The following ATG7 variants were observed in gnomAD, a reference collection of about 807,000 sequenced individuals.
ATG7 encodes the protein autophagy related 7.
ATG7 carries 70 observed loss-of-function variants against 82.4 expected under a neutral mutation model. The observed-to-expected ratio is 0.85, with a 90% CI of 0.70 to 1.04. The LOEUF is 1.04. ATG7 is among the 50% of genes least tolerant of loss of function. ATG7 has a pLI of 0.00. For missense variants in ATG7, 792 were observed against 864.3 expected (o/e 0.92, Z 1.05); for synonymous variants, 287 against 313.0 (o/e 0.92, Z 0.88).
intron 20 of ATG7, among the ~76,000 whole-genome samples, chr3:11,518,853 A>G (rs1383003395): frequency 6.6e-6 from 1 of 152,236 alleles, no homozygotes; most frequent in Non-Finnish European, 1.5e-5. Flanking sequence ...TTCAACTGGT[A>G]AGATAAACAA....
the ATG7 span, among the ~76,000 whole-genome samples, chr3:11,569,816 G>A: frequency 6.6e-6 from 1 of 152,202 alleles, no homozygotes; most frequent in African/African-American, 2.4e-5. Flanking sequence ...AGGAGGTGGA[G>A]GCTACAGTGA....
intron 20 of ATG7, among the ~76,000 whole-genome samples, chr3:11,473,163 T>C (rs2087736079): frequency 6.6e-6 from 1 of 152,198 alleles, no homozygotes; most frequent in South Asian, 2.1e-4. Context: ...AATAAAACAT[T>C]ATAGCACTTT....
intron 18 of ATG7, among the ~76,000 whole-genome samples, chr3:11,373,213 A>G (rs1200011271): frequency 6.6e-6 from 1 of 152,040 alleles, no homozygotes; most frequent in Non-Finnish European, 1.5e-5. Context: ...AAGAGGCTTT[A>G]GTTTCCTGTG....
intron 20 of ATG7, among the ~76,000 whole-genome samples, chr3:11,536,157 C>T (rs1455933082): frequency 3.3e-5 from 5 of 152,316 alleles, no homozygotes; most frequent in Non-Finnish European, 7.3e-5. Context: ...GAAAGGACTG[C>T]CCCCGGGCCA....
intron 19 of ATG7, among the ~76,000 whole-genome samples, chr3:11,385,036 G>A (rs1038034592): frequency 2.6e-5 from 4 of 152,176 alleles, no homozygotes; most frequent in African/African-American, 9.6e-5. Context: ...TTGTTTGTTT[G>A]TTTGTTTGTT....
At chr3:11,360,964 G>A (rs192455397) in intron 16 of ATG7, among the ~76,000 whole-genome samples, 180 bp downstream of exon 16, 1 of 152,288 alleles carries the variant, frequency 6.6e-6, no homozygotes, top group African/African-American at 2.4e-5. Context: ...GTCATCAACT[G>A]TACACCTGTT....
At chr3:11,538,220 C>T (rs1264870001) in intron 20 of ATG7, among the ~76,000 whole-genome samples, 1 of 152,196 alleles carries the variant, frequency 6.6e-6, no homozygotes, top group Non-Finnish European at 1.5e-5. Flanking sequence ...TCGTGGCAGG[C>T]TGGGTGGCAC....
At chr3:11,310,293 G>T (rs1011042536) in intron 7 of ATG7, among the ~76,000 whole-genome samples, 1 of 152,126 alleles carries the variant, frequency 6.6e-6, no homozygotes, top group Non-Finnish European at 1.5e-5. Flanking sequence ...TAATGTTGCT[G>T]TGTATTAAGT....
intron 20 of ATG7, among the ~76,000 whole-genome samples, chr3:11,456,240 A>G (rs2085701103): frequency 6.6e-6 from 1 of 152,176 alleles, no homozygotes; most frequent in Non-Finnish European, 1.5e-5. Flanking sequence ...ATCCTGTAAT[A>G]TATGGGCTCT....
intron 20 of ATG7, among the ~76,000 whole-genome samples, chr3:11,500,410 A>T (rs1022451071): frequency 2.6e-5 from 4 of 152,296 alleles, no homozygotes; most frequent in Non-Finnish European, 5.9e-5. Flanking sequence ...ATGCCAAAAA[A>T]ATAGAAGTAA....
intron 20 of ATG7, among the ~76,000 whole-genome samples, chr3:11,484,514 C>T (rs2089395374): frequency 6.6e-6 from 1 of 152,202 alleles, no homozygotes; most frequent in Non-Finnish European, 1.5e-5. Context: ...GCACATCTAG[C>T]AGATTCTTGG....
At chr3:11,277,905 A>AC (rs1942231154) in intron 1 of ATG7, among the ~76,000 whole-genome samples, 1 of 27,128 alleles carries the variant, frequency 3.7e-5, no homozygotes, top group Non-Finnish European at 7.2e-5. Flanking sequence ...CCCCCCCCCC[A>AC]CCAGGAATGC....
chr3:11,317,580 CTTTCT>C (rs1349616071), intron 9 of ATG7, among the ~76,000 whole-genome samples: 24 of 121,358 alleles, frequency 2.0e-4, no homozygotes, highest in Admixed American at 1.8e-3. Context: ...CCCTTTCTTT[CTTTCT>C]TTTTTTTTTT....
intron 19 of ATG7, among the ~76,000 whole-genome samples, chr3:11,396,128 A>G (rs992751665): frequency 1.2e-4 from 18 of 151,812 alleles, no homozygotes; most frequent in Admixed American, 9.8e-4. Context: ...GAAAAAAAAA[A>G]AAGTATAGAA....
chr3:11,575,772 A>C, the ATG7 span, among the ~76,000 whole-genome samples: 1 of 152,158 alleles, frequency 6.6e-6, no homozygotes, highest in Non-Finnish European at 1.5e-5. Flanking sequence ...ATGAGGCGTA[A>C]AGTCAGAGCA....
chr3:11,434,536 G>A (rs938020160), intron 20 of ATG7, among the ~76,000 whole-genome samples: 11 of 152,186 alleles, frequency 7.2e-5, no homozygotes, highest in Non-Finnish European at 1.0e-4. Flanking sequence ...GCAGAAACAG[G>A]CAGAAAGCCA....
intron 20 of ATG7, among the ~76,000 whole-genome samples, chr3:11,526,390 C>G (rs2124949417): frequency 1.3e-5 from 2 of 152,178 alleles, no homozygotes; most frequent in Middle Eastern, 6.8e-3. Context: ...AGACTCAAGT[C>G]TCAAAAACAA....
At chr3:11,483,720 A>G (rs371326693) in intron 20 of ATG7, among the ~76,000 whole-genome samples, 1 of 152,240 alleles carries the variant, frequency 6.6e-6, no homozygotes, top group Non-Finnish European at 1.5e-5. Flanking sequence ...CTGGAGCCAA[A>G]TAGGAAATCG....
At chr3:11,305,539 C>G (rs1288254130) in intron 5 of ATG7, among the ~76,000 whole-genome samples, 1 of 152,252 alleles carries the variant, frequency 6.6e-6, no homozygotes, top group Non-Finnish European at 1.5e-5. Flanking sequence ...AGTTTACCAA[C>G]TGCTCTGCTT....
Sources: gnomAD v4.1 joint callset for allele counts (sites outside exome capture counted in the v4.1 genomes callset) on GRCh38, gnomAD v4.1.1 for gene constraint, MANE v1.5 for transcripts, NCBI Gene and HGNC (gene_info 2026-07-23, HGNC 2026-07-21) for gene names.